Variants in NFATC3 observed in about 807,000 individuals in gnomAD.
NFATC3 encodes nuclear factor of activated T cells 3.
NFATC3 carries 46 observed loss-of-function variants against 98.6 expected under a neutral mutation model. The observed-to-expected ratio is 0.47, with a 90% CI of 0.37 to 0.60. The LOEUF is 0.60. NFATC3 is among the 20% of genes least tolerant of loss of function. NFATC3 has a pLI of 0.00. For synonymous variants in NFATC3, 512 were observed against 472.2 expected, an observed-to-expected ratio of 1.08 and a Z score of -1.09; for missense variants, 1,256 against 1,295.5, an observed-to-expected ratio of 0.97 and a Z score of 0.47.
chr16:68,161,888 A>G (rs932286888), intron 4 of NFATC3, among the ~76,000 whole-genome samples: 7 of 152,244 alleles, frequency 4.6e-5, no homozygotes, highest in Admixed American at 4.6e-4. Flanking sequence ...TATCCCAAAT[A>G]ATATGAAAGC....
intron 3 of NFATC3, among the ~76,000 whole-genome samples, chr16:68,147,668 G>A (rs1333920761): frequency 6.7e-6 from 1 of 150,240 alleles, no homozygotes; most frequent in Non-Finnish European, 1.5e-5. Flanking sequence ...AGAGCAACAG[G>A]TATACCAAAA....
intron 1 of NFATC3, among the ~76,000 whole-genome samples, chr16:68,093,252 A>G (rs562054129): frequency 6.6e-6 from 1 of 152,292 alleles, no homozygotes; most frequent in South Asian, 2.1e-4. Context: ...TTGATGTAGT[A>G]CTGAGCTAGG....
chr16:68,190,937 A>C lies in NFATC3; in HGVS notation c.2268A>C (p.Ala756=). The change falls in exon 9 of 10, where the codon GCA becomes GCC. Residue 756 remains alanine, a synonymous_variant. Coordinates refer to ENST00000346183, the MANE Select transcript of NFATC3 (RefSeq NM_173165.3). ...TTTGCTCCATCCCACAAACATATGC[A>C]TCCATGGTGACCTCATCCCATCTGC... ...SLICSIPQTY[A]SMVTSSHLPQ... 3 of 1,614,206 alleles carry C rather than the reference A, an allele frequency of 1.9e-6. No homozygotes were observed. The highest frequency in any genetic ancestry group is 1.7e-6 in the Non-Finnish European group (2 of 1,180,028).
chr16:68,221,434 A>G lies in NFATC3; in HGVS notation c.3107-4916A>G, dbSNP rs1410569357. On this transcript the variant is annotated intron_variant, in intron 9 of 9. Transcript: ENST00000346183. ...GTTCTGACTCCCTAGCCTAAAATTT[A>G]TATTCAGTGCTCACCTGTAGCAATT... is the stretch of plus-strand genomic sequence containing the variant. The G allele has an allele frequency of 1.2e-5, 17 of 1,410,844 alleles. No homozygotes were observed. In the African/African-American group the frequency reaches 1.6e-4, roughly 13 times the overall value. The allele number at this position is 1,410,844 out of a possible 1,614,324, so 87.4% of individuals were successfully genotyped here.
chr16:68,107,526 C>T (rs1346068798), intron 1 of NFATC3, among the ~76,000 whole-genome samples: 4 of 152,238 alleles, frequency 2.6e-5, no homozygotes, highest in Admixed American at 2.6e-4. Context: ...AGTTCAAGAC[C>T]AGCCTGGCCA....
At chr16:68,099,418 G>A (rs1289020847) in intron 1 of NFATC3, among the ~76,000 whole-genome samples, 5 of 151,612 alleles carry the variant, frequency 3.3e-5, no homozygotes, top group Non-Finnish European at 5.9e-5. Flanking sequence ...CTGGGCGACA[G>A]AGCGAGACCC....
chr16:68,214,311 T>G, intron 9 of NFATC3: 1 of 1,601,880 alleles, frequency 6.2e-7, no homozygotes, highest in Non-Finnish European at 8.6e-7. Flanking sequence ...AGTAGTGATG[T>G]TGTCTTCTTT....
intron 5 of NFATC3, among the ~76,000 whole-genome samples, chr16:68,170,130 C>T (rs545041942): frequency 2.6e-5 from 4 of 151,586 alleles, no homozygotes; most frequent in South Asian, 2.1e-4. Context: ...TGGTGGCTCA[C>T]GCCTGTAATC....
chr16:68,114,180 G>A (rs1435429851), intron 1 of NFATC3, among the ~76,000 whole-genome samples: 2 of 152,186 alleles, frequency 1.3e-5, no homozygotes, highest in African/African-American at 4.8e-5. Flanking sequence ...ACCTCCCTTG[G>A]CTGGGTGTGG....
At chr16:68,186,018 A>C (rs974348955) in intron 8 of NFATC3, among the ~76,000 whole-genome samples, 2 of 152,200 alleles carry the variant, frequency 1.3e-5, no homozygotes, top group East Asian at 3.8e-4. Flanking sequence ...ATTGGGTTGC[A>C]CTGTAACTCA....
intron 8 of NFATC3, among the ~76,000 whole-genome samples, chr16:68,188,897 A>G (rs2040324406): frequency 6.6e-6 from 1 of 151,974 alleles, no homozygotes. Flanking sequence ...TAGTAGAGAC[A>G]GGGTTTCATC....
At chr16:68,107,046 A>C (rs548145883) in intron 1 of NFATC3, among the ~76,000 whole-genome samples, 1 of 152,246 alleles carries the variant, frequency 6.6e-6, no homozygotes, top group African/African-American at 2.4e-5. Flanking sequence ...TAGTTTGCTG[A>C]GGATAATGGC....
intron 4 of NFATC3, among the ~76,000 whole-genome samples, chr16:68,164,957 A>G (rs1416246335): frequency 6.6e-6 from 1 of 152,200 alleles, no homozygotes. Context: ...TCACCGCTAC[A>G]TAAGAGTTTT....
At chr16:68,181,560 T>A in intron 7 of NFATC3, 30 bp downstream of exon 7, 1 of 1,435,546 alleles carries the variant, frequency 7.0e-7, no homozygotes, top group Non-Finnish European at 9.8e-7. Flanking sequence ...TCTTAAGAAA[T>A]ATTTAAGACA....
At chr16:68,107,299 C>G (rs190049659) in intron 1 of NFATC3, among the ~76,000 whole-genome samples, 1 of 152,240 alleles carries the variant, frequency 6.6e-6, no homozygotes, top group Non-Finnish European at 1.5e-5. Context: ...ATTTTTGGTT[C>G]TAGGTCTTTG....
chr16:68,204,807 A>G (rs1043116652), intron 9 of NFATC3, among the ~76,000 whole-genome samples: 3 of 152,254 alleles, frequency 2.0e-5, no homozygotes, highest in African/African-American at 7.2e-5. Flanking sequence ...TCACAGGAAC[A>G]AAAAGATTTT....
intron 4 of NFATC3, among the ~76,000 whole-genome samples, chr16:68,162,110 A>G (rs956127644): frequency 2.0e-5 from 3 of 152,202 alleles, no homozygotes; most frequent in African/African-American, 7.2e-5. Context: ...TACCACACAC[A>G]TACCTAAAAC....
In NFATC3 at chr16:68,228,209, C is replaced by G. The variant is rs1303069807; in HGVS notation, c.*1738C>G. ...AAAAGGTCTATTCTTCAGCAGATCA[C>G]TGTGGCCCCTCTTGGAGCTGGGTGT... is the stretch of plus-strand genomic sequence containing the variant. On this transcript the variant is annotated 3_prime_UTR_variant, in exon 10 of 10. Transcript: ENST00000346183. The G allele has an allele frequency of 6.6e-6, 1 of 152,236 alleles. No individual in the cohort carries two copies. The highest frequency in any genetic ancestry group is 2.4e-5 in the African/African-American group (1 of 41,450). 9.4% of individuals were successfully genotyped at this position (152,236 alleles called of 1,614,324 possible). A position where few individuals can be genotyped will look rare whatever the true frequency, so the allele number is the denominator to read the frequency against.
At chr16:68,181,081 C>T (rs2039931143) in intron 6 of NFATC3, among the ~76,000 whole-genome samples, 1 of 152,248 alleles carries the variant, frequency 6.6e-6, no homozygotes, top group Non-Finnish European at 1.5e-5. Flanking sequence ...AATCGCCACA[C>T]TGTCTTCCAC....
Sources: allele counts gnomAD v4.1 joint callset (sites outside exome capture counted in the v4.1 genomes callset), GRCh38; gene constraint gnomAD v4.1.1; transcripts MANE v1.5; gene names NCBI Gene and HGNC (gene_info 2026-07-23, HGNC 2026-07-21).